POMGNT1: variants seen among roughly 807,000 people sequenced by gnomAD.
The protein encoded by POMGNT1 is protein O-linked mannose N-acetylglucosaminyltransferase 1 (beta 1,2-).
Under a neutral mutation model 95.6 loss-of-function variants are expected in POMGNT1, and 67 were observed. That is an observed-to-expected ratio of 0.70 (90% CI 0.58 to 0.86). The LOEUF is 0.86. POMGNT1 is among the 40% of genes least tolerant of loss of function. The pLI is 0.00. For synonymous variants in POMGNT1, 298 were observed against 317.9 expected (o/e 0.94, Z 0.66); for missense variants, 719 against 855.2 (o/e 0.84, Z 1.99).
rs764388322 is a variant in POMGNT1 at position 46,197,075 on chromosome 1, C to A, written c.130G>T (p.Val44Leu). ...ALRRFCQTGA[V>L]LFLLVTVIVN... ...ATGACAGTCACCAGCAGGAAAAGCA[C>A]GGCCCCTGTCTGAGGGGAGGGGTAG... is the stretch of plus-strand genomic sequence containing the variant. The change falls in exon 3 of 22, where the codon GTG (valine) becomes TTG (leucine). Residue 44 changes from valine (V) to leucine (L), a missense_variant. Coordinates refer to ENST00000371984, the MANE Select transcript of POMGNT1 (RefSeq NM_017739.4). 6.2e-7 allele frequency: 1 copy of A among 1,614,148 alleles called. No individual in the cohort carries two copies. The highest frequency in any genetic ancestry group is 8.5e-7 in the Non-Finnish European group (1 of 1,179,992).
chr1:46,202,911 G>GGGT (rs928432389), upstream of POMGNT1, among the ~76,000 whole-genome samples: 11 of 109,256 alleles, frequency 1.0e-4, 4 homozygotes, highest in South Asian at 3.1e-3. Context: ...GCCCCTGGGG[G>GGGT]GGGGGGGTGG....
At position 46,188,767 on chromosome 1, in the gene POMGNT1, G is replaced by T. The variant is rs1207495983; in HGVS notation, c.*503C>A. The T allele has an allele frequency of 6.2e-7, 1 of 1,612,858 alleles. No homozygotes were observed. The highest frequency in any genetic ancestry group is 1.1e-5 in the South Asian group (1 of 91,076). On this transcript the variant is annotated 3_prime_UTR_variant, in exon 22 of 22. Coordinates refer to ENST00000371984, the MANE Select transcript of POMGNT1 (RefSeq NM_017739.4). ...CAAAGAGAAGGCTGAGAGGAGGCCTGGTCCAGTGTCTAAGGGTCTCTGAGT... is the reference window on the plus strand; with the variant it reads ...CAAAGAGAAGGCTGAGAGGAGGCCTTGTCCAGTGTCTAAGGGTCTCTGAGT...
intron 6 of POMGNT1, chr1:46,195,571 G>C: frequency 1.7e-6 from 1 of 576,746 alleles, no homozygotes; most frequent in South Asian, 1.8e-5. Context: ...AGCTCCATGA[G>C]GGTGGGGACT....
In POMGNT1 at chr1:46,194,980, C is replaced by G. The variant is rs1658113639; in HGVS notation, c.535-19G>C. ...CCTCATCCTGGGGGACCAGAGAAGG[C>G]AGTTAGCCTGACTGGCATGGTTCCA... is the stretch of plus-strand genomic sequence containing the variant. On this transcript the variant is annotated intron_variant, in intron 6 of 21. Transcript: ENST00000371984. The G allele has an allele frequency of 6.2e-7, 1 of 1,611,828 alleles. No individual in the cohort carries two copies. The highest frequency in any genetic ancestry group is 8.5e-7 in the Non-Finnish European group (1 of 1,178,172).
In POMGNT1 at chr1:46,189,328, A is replaced by G. The variant is rs1201176147; in HGVS notation, c.1925T>C (p.Ile642Thr). The G allele has an allele frequency of 6.2e-7, 1 of 1,613,818 alleles. No individual in the cohort carries two copies. Among genetic ancestry groups the G allele is most frequent in the African/African-American group, 1.3e-5 (1 of 75,004 alleles). Reference sequence around the variant, plus strand: ...CTCCTTTGGGGGTGGCTCCAGGAAAATTGGGGTGACTGAGGGTGGCTTCTT... The same window carrying G: ...CTCCTTTGGGGGTGGCTCCAGGAAAGTTGGGGTGACTGAGGGTGGCTTCTT... The part of the protein sequence containing the change: ...SVKKPPSVTP[I>T]FLEPPPKEEG... Residue 642 changes from isoleucine (I) to threonine (T), a missense_variant, in exon 22 of 22, where the codon ATT becomes ACT. Physicochemically the swap from Ile to Thr is moderately conservative, Grantham distance 89. This residue lies in a region of POMGNT1 where 130 missense variants were observed against 149.2 expected (regional missense o/e 0.87). Transcript: ENST00000371984.
chr1:46,195,829 C>A lies in POMGNT1; in HGVS notation c.516G>T (p.Val172=). The A allele has an allele frequency of 3.8e-6, 6 of 1,598,678 alleles. No individual in the cohort carries two copies. Among genetic ancestry groups the A allele is most frequent in the Non-Finnish European group, 5.1e-6 (6 of 1,171,516 alleles). The change falls in exon 6 of 22, where the codon GTG becomes GTT. Residue 172 remains valine (V), a synonymous_variant. Coordinates refer to ENST00000371984, the MANE Select transcript of POMGNT1 (RefSeq NM_017739.4). ...LFLNMVAPGR[V]LICTVKDEGS... ...AACTGACCTTGACAGTGCAGATGAG[C>A]ACTCGGCCGGGCGCTACCATGTTGA... is the stretch of plus-strand genomic sequence containing the variant.
Position 46,192,961 on chromosome 1 carries a change from A to C in POMGNT1, c.1153-3T>G. On this transcript the variant is annotated splice_region_variant and splice_polypyrimidine_tract_variant and intron_variant, in intron 13 of 21. Coordinates refer to ENST00000371984, the MANE Select transcript of POMGNT1 (RefSeq NM_017739.4). The stretch of plus-strand genomic sequence containing the variant: ...AGAACCACAGCAAACTTGGCCTCCT[A>C]GAAGGGGAATGGGACATCATGGTCC... 6.2e-7 allele frequency: 1 copy of C among 1,614,134 alleles called. No individual in the cohort carries two copies. Among genetic ancestry groups the C allele is most frequent in the Non-Finnish European group, 8.5e-7 (1 of 1,179,996 alleles).
At chr1:46,195,734 G>C (rs1196207624) in intron 6 of POMGNT1, 77 bp downstream of exon 6, 1 of 1,268,448 alleles carries the variant, frequency 7.9e-7, no homozygotes, top group East Asian at 2.5e-5. Flanking sequence ...TATGTTATAT[G>C]AGGGGCAGAG....
At chr1:46,194,196 C>T in intron 9 of POMGNT1, 78 bp downstream of exon 9, 3 of 1,612,044 alleles carry the variant, frequency 1.9e-6, no homozygotes, top group Non-Finnish European at 1.7e-6. Flanking sequence ...TAGGGAAAGC[C>T]CAACCTAGAT....
chr1:46,217,285 A>T (rs1006162846), intron 1 of POMGNT1, among the ~76,000 whole-genome samples: 10 of 152,206 alleles, frequency 6.6e-5, no homozygotes, highest in Non-Finnish European at 1.3e-4. Context: ...CGTGTCATGC[A>T]TTCAAAAGCC....
chr1:46,198,999 T>C (rs1012088034), upstream of POMGNT1, among the ~76,000 whole-genome samples: 4 of 152,198 alleles, frequency 2.6e-5, no homozygotes, highest in Non-Finnish European at 4.4e-5. Flanking sequence ...TGGAGTGCAG[T>C]GGCACCATCT....
chr1:46,212,577 G>A (rs1044787389), intron 1 of POMGNT1, among the ~76,000 whole-genome samples: 2 of 151,012 alleles, frequency 1.3e-5, no homozygotes, highest in African/African-American at 2.4e-5. Flanking sequence ...CACTGCACCC[G>A]GCCAAATTTT....
rs7552589 is a variant in POMGNT1, at chr1:46,191,779, C to A, written c.1539+319G>T. On this transcript the variant is annotated intron_variant, in intron 17 of 21. Transcript: ENST00000371984. ...CCTCCCAAGTAGCTGGGACTACAGG[C>A]GCCCATCACCAGGCCCGGCTAATTT... 0.36 allele frequency: 128,669 copies of A among 358,096 alleles called. 23,887 individuals carry two copies. Among genetic ancestry groups the A allele is most frequent in the South Asian group, 0.45 (20,865 of 46,396 alleles). 22.2% of individuals were successfully genotyped at this position (358,096 alleles called of 1,614,324 possible).
rs182230791 is a variant in POMGNT1 at position 46,190,057 on chromosome 1, T to C, written c.1650-68A>G. On this transcript the variant is annotated intron_variant, in intron 19 of 21. Coordinates refer to ENST00000371984, the MANE Select transcript of POMGNT1 (RefSeq NM_017739.4). ...TTCATGGGTGTGTCCCACAGGACCC[T>C]GTACTTGGTTGAATGCTCTGCTGTT... The C allele has an allele frequency of 5.1e-6, 8 of 1,574,154 alleles. No homozygotes were observed. The African/African-American group carries it at 5.4e-5, about 11-fold the overall frequency.
intron 1 of POMGNT1, among the ~76,000 whole-genome samples, chr1:46,205,463 T>C (rs1388963240): frequency 6.6e-6 from 1 of 152,240 alleles, no homozygotes; most frequent in Non-Finnish European, 1.5e-5. Context: ...CTGAACATTT[T>C]ATGTCATTGA....
In POMGNT1 at chr1:46,197,045, T is replaced by C. The variant is rs546654268; in HGVS notation, c.160A>G (p.Asn54Asp). Residue 54 changes from asparagine to aspartate, a missense_variant, in exon 3 of 22, where the codon AAT (asparagine) becomes GAT (aspartate). Physicochemically the swap from Asn to Asp is conservative, Grantham distance 23 (BLOSUM62 1). Around this residue, in one of 5 missense-constraint regions of POMGNT1, gnomAD observed 466 missense variants for 517.4 expected, o/e 0.90. Coordinates refer to ENST00000371984, the MANE Select transcript of POMGNT1 (RefSeq NM_017739.4). ...VLFLLVTVIV[N>D]IKLILDTRRA... is the part of the protein sequence containing the mutation. ...CGAGTGTCCAGGATCAACTTGATATTGACAATGACAGTCACCAGCAGGAAA... is the reference window on the plus strand; with the variant it reads ...CGAGTGTCCAGGATCAACTTGATATCGACAATGACAGTCACCAGCAGGAAA... 12 of 1,614,044 alleles carry C rather than the reference T, an allele frequency of 7.4e-6. No individual in the cohort carries two copies. Among genetic ancestry groups the C allele is most frequent in the South Asian group, 1.1e-5 (1 of 91,084 alleles).
At chr1:46,220,178 C>G (rs1279491570) in exon 1 of POMGNT1, 1 of 1,613,804 alleles carries the variant, frequency 6.2e-7, no homozygotes, top group African/African-American at 1.3e-5. Context: ...TCGAGGCCCA[C>G]TGGTTCTGGG....
chr1:46,206,734 CCCTGAAT>C (rs1658728984), intron 1 of POMGNT1, among the ~76,000 whole-genome samples: 1 of 152,090 alleles, frequency 6.6e-6, no homozygotes, highest in Non-Finnish European at 1.5e-5. Flanking sequence ...CAACCCAGAC[CCCTGAAT>C]CCTGGGAACC....
At chr1:46,209,537 C>CTTT (rs55948355) in intron 1 of POMGNT1, among the ~76,000 whole-genome samples, 15 of 139,820 alleles carry the variant, frequency 1.1e-4, no homozygotes, top group African/African-American at 3.7e-4. Flanking sequence ...TTGTTGTTTT[C>CTTT]TTTTTTTTTT....
Sources: gnomAD v4.1 joint callset for allele counts (sites outside exome capture counted in the v4.1 genomes callset) on GRCh38, gnomAD v4.1.1 for gene constraint, gnomAD v4.1.1 regional missense constraint, MANE v1.5 for transcripts, NCBI Gene and HGNC (gene_info 2026-07-23, HGNC 2026-07-21) for gene names.